The following DCDC1 variants were observed in gnomAD, a reference collection of about 807,000 sequenced individuals.
DCDC1 encodes the protein doublecortin domain containing 1.
Under a neutral mutation model 178.3 loss-of-function variants are expected in DCDC1, and 200 were observed. The ratio of observed to expected loss-of-function variants is 1.12; its 90% CI spans 1.00 to 1.26. The LOEUF is 1.26. DCDC1 is among the 50% of genes most tolerant of loss of function. The pLI is 0.00. For missense variants in DCDC1, 1,983 were observed against 1,749.2 expected, an observed-to-expected ratio of 1.13 and a Z score of -2.38; for synonymous variants, 690 against 604.8, an observed-to-expected ratio of 1.14 and a Z score of -2.07.
intron 11 of DCDC1, among the ~76,000 whole-genome samples, chr11:31,118,851 C>T (rs183493092): frequency 2.7e-4 from 41 of 152,320 alleles, no homozygotes; most frequent in Admixed American, 2.3e-3. Flanking sequence ...TGCATGGGAG[C>T]TAATGCCCAG....
intron 36 of DCDC1, among the ~76,000 whole-genome samples, chr11:30,888,085 A>AG (rs776730810): frequency 9.0e-5 from 11 of 121,852 alleles, no homozygotes; most frequent in African/African-American, 1.3e-4. Flanking sequence ...AGAGAGAGAG[A>AG]AAGAAAGAAA....
At chr11:30,992,709 C>T (rs917515465) in intron 20 of DCDC1, 1 of 152,120 alleles carries the variant, frequency 6.6e-6, no homozygotes, top group Non-Finnish European at 1.5e-5. Flanking sequence ...AAATTTTCAA[C>T]CACTATGTAA....
At chr11:30,884,901 T>A (rs1012271246) in intron 36 of DCDC1, among the ~76,000 whole-genome samples, 1 of 152,076 alleles carries the variant, frequency 6.6e-6, no homozygotes, top group Non-Finnish European at 1.5e-5. Context: ...ACAACTTCAG[T>A]CAAAATCCTA....
intron 25 of DCDC1, among the ~76,000 whole-genome samples, chr11:30,918,477 A>G (rs991250843): frequency 2.0e-5 from 3 of 152,228 alleles, no homozygotes; most frequent in Admixed American, 1.3e-4. Context: ...GATAAATGCC[A>G]TAAGTTGAAT....
chr11:31,245,143 G>T (rs1943457042), intron 8 of DCDC1, among the ~76,000 whole-genome samples: 1 of 150,854 alleles, frequency 6.6e-6, no homozygotes, highest in Non-Finnish European at 1.5e-5. Flanking sequence ...TATCCTAAAT[G>T]ATTTAGGTAG....
At chr11:30,999,587 C>A (rs1259496822) in intron 20 of DCDC1, among the ~76,000 whole-genome samples, 1 of 151,966 alleles carries the variant, frequency 6.6e-6, no homozygotes, top group Admixed American at 6.6e-5. Flanking sequence ...AAATCTGAAA[C>A]CTTTGGTCCA....
intron 9 of DCDC1, among the ~76,000 whole-genome samples, chr11:31,212,150 C>T (rs1019403232): frequency 2.7e-5 from 4 of 147,468 alleles, no homozygotes; most frequent in African/African-American, 5.0e-5. Flanking sequence ...TGTAAATAAA[C>T]GAATTAAATT....
intron 1 of DCDC1, among the ~76,000 whole-genome samples, chr11:31,355,479 T>A (rs1270462945): frequency 1.3e-5 from 2 of 152,190 alleles, no homozygotes; most frequent in Non-Finnish European, 2.9e-5. Context: ...CCAATCTCTG[T>A]CACCATTCAA....
intron 20 of DCDC1, among the ~76,000 whole-genome samples, chr11:30,985,183 G>A (rs1241643706): frequency 3.9e-5 from 6 of 152,172 alleles, no homozygotes; most frequent in Admixed American, 2.0e-4. Context: ...GGCAATAATT[G>A]TGAATCTTAA....
chr11:31,309,292 C>A (rs1357403940), intron 3 of DCDC1, among the ~76,000 whole-genome samples: 1 of 152,100 alleles, frequency 6.6e-6, no homozygotes, highest in African/African-American at 2.4e-5. Context: ...GAGTACAGTA[C>A]TGGGGAGAGG....
At chr11:31,197,960 T>C (rs890437788) in intron 9 of DCDC1, among the ~76,000 whole-genome samples, 6 of 152,066 alleles carry the variant, frequency 3.9e-5, no homozygotes, top group Non-Finnish European at 8.8e-5. Context: ...ACTGTTGCCA[T>C]GAAAACTGGT....
chr11:31,117,300 A>C (rs1960103799), intron 11 of DCDC1, among the ~76,000 whole-genome samples: 1 of 152,058 alleles, frequency 6.6e-6, no homozygotes, highest in Non-Finnish European at 1.5e-5. Context: ...GGAAGCAGCC[A>C]CTATCCTGGC....
chr11:31,265,519 C>A lies in DCDC1; in HGVS notation c.1042G>T (p.Asp348Tyr). ...FYDLYGRKIE[D>Y]ISKVPLLEKC... Reference sequence around the variant, plus strand: ...CTTTGCCACTTACCTTTTGAAATATCTTCAATTTTTCTGCCATACAAATCA... The same window carrying A: ...CTTTGCCACTTACCTTTTGAAATATATTCAATTTTTCTGCCATACAAATCA... The change falls in exon 8 of 39, where the codon GAT (aspartate) becomes TAT (tyrosine). Residue 348 changes from aspartate (D) to tyrosine (Y), a missense_variant. By Grantham distance (160) the Asp-to-Tyr change is radical. Transcript: ENST00000684477. The A allele has an allele frequency of 7.0e-7, 1 of 1,423,464 alleles. No homozygotes were observed. The highest frequency in any genetic ancestry group is 9.3e-7 in the Non-Finnish European group (1 of 1,077,542). 88.2% of individuals were successfully genotyped at this position (1,423,464 alleles called of 1,614,324 possible).
chr11:30,979,239 C>G (rs921028998), intron 20 of DCDC1, among the ~76,000 whole-genome samples: 39 of 152,146 alleles, frequency 2.6e-4, no homozygotes, highest in African/African-American at 9.4e-4. Flanking sequence ...TGAAACTCAA[C>G]AAGAAACACT....
intron 18 of DCDC1, among the ~76,000 whole-genome samples, chr11:31,076,543 T>G (rs1161378643): frequency 2.0e-5 from 3 of 151,962 alleles, no homozygotes; most frequent in African/African-American, 7.3e-5. Context: ...GCTGGGATCT[T>G]GCCATGTTGC....
chr11:31,048,748 T>G (rs867153153), intron 20 of DCDC1, among the ~76,000 whole-genome samples: 3 of 152,048 alleles, frequency 2.0e-5, no homozygotes, highest in Middle Eastern at 3.4e-3. Flanking sequence ...TCCCAGGTAC[T>G]CGGGAGGCTG....
intron 9 of DCDC1, among the ~76,000 whole-genome samples, chr11:31,216,492 G>T (rs2136621463): frequency 6.6e-6 from 1 of 152,262 alleles, no homozygotes; most frequent in East Asian, 1.9e-4. Context: ...CTACACTGTA[G>T]AATCCAAACT....
At chr11:31,349,572 C>T (rs553998912) in intron 1 of DCDC1, among the ~76,000 whole-genome samples, 4 of 152,158 alleles carry the variant, frequency 2.6e-5, no homozygotes, top group African/African-American at 9.6e-5. Flanking sequence ...CACAGAAATG[C>T]TCATATTAAG....
At chr11:31,069,621 G>C (rs1485114003) in intron 18 of DCDC1, among the ~76,000 whole-genome samples, 2 of 152,114 alleles carry the variant, frequency 1.3e-5, no homozygotes, top group African/African-American at 2.4e-5. Flanking sequence ...ACAAACAGTA[G>C]AAAACAAACA....
Sources: allele counts gnomAD v4.1 joint callset (sites outside exome capture counted in the v4.1 genomes callset), GRCh38; gene constraint gnomAD v4.1.1; transcripts MANE v1.5; gene names NCBI Gene and HGNC (gene_info 2026-07-23, HGNC 2026-07-21).